Variants in UNC5C observed in about 807,000 individuals in gnomAD.
UNC5C encodes the protein unc-5 netrin receptor C.
In UNC5C, 47 loss-of-function variants were observed where a neutral mutation model predicts 99.8. The ratio of observed to expected loss-of-function variants is 0.47; its 90% confidence interval spans 0.37 to 0.60. The LOEUF (loss-of-function observed/expected upper bound fraction) is 0.60, where lower values mean the gene tolerates loss of function less well. Ranked by LOEUF, UNC5C falls within the 20% of genes least tolerant of loss-of-function variation. The pLI is 0.00. For missense variants in UNC5C, 1,062 were observed against 1,165.9 expected (o/e 0.91, Z 1.30); for synonymous variants, 487 against 452.2 (o/e 1.08, Z -0.98).
At chr4:95,350,137 A>C (rs535434752) in intron 1 of UNC5C, among the ~76,000 whole-genome samples, 13 of 152,136 alleles carry the variant, frequency 8.5e-5, no homozygotes, top group African/African-American at 1.4e-4. Flanking sequence ...TAACGTGCTT[A>C]ATTTTAGGAT....
At position 95,481,541 on chromosome 4, in the gene UNC5C, C is replaced by T. The variant is rs985191792; in HGVS notation, c.124+67193G>A. Among the ~76,000 whole-genome samples the T allele has an allele frequency of 8.6e-5, 13 of 151,980 alleles. No homozygotes were observed. The East Asian group carries it at 1.2e-3, about 14-fold the overall frequency. On this transcript the variant is annotated intron_variant, in intron 1 of 15. Transcript: ENST00000453304. ...GTTCATATGGAACCAAAAAAGAGCCCACATCGCCAAGTCAATCCTAAGCCA... is the reference window on the plus strand; with the variant it reads ...GTTCATATGGAACCAAAAAAGAGCCTACATCGCCAAGTCAATCCTAAGCCA...
At chr4:95,300,644 T>C (rs998935199) in intron 3 of UNC5C, among the ~76,000 whole-genome samples, 1 of 152,242 alleles carries the variant, frequency 6.6e-6, no homozygotes, top group African/African-American at 2.4e-5. Context: ...TAATTCCTAC[T>C]AGATTTTTTA....
At chr4:95,251,275 T>C (rs1739715371) in intron 4 of UNC5C, among the ~76,000 whole-genome samples, 5 of 152,174 alleles carry the variant, frequency 3.3e-5, no homozygotes, top group Admixed American at 3.3e-4. Context: ...TGGAGATGTA[T>C]CTAAGCCAAA....
chr4:95,237,896 G>T (rs1053697003), intron 7 of UNC5C, among the ~76,000 whole-genome samples: 2 of 152,072 alleles, frequency 1.3e-5, no homozygotes, highest in Non-Finnish European at 2.9e-5. Context: ...ACAAAAATTA[G>T]CTGGGTGTGG....
chr4:95,338,597 A>T lies in UNC5C; in HGVS notation c.125-2966T>A, dbSNP rs545659598. Among the ~76,000 whole-genome samples, 30 of 152,202 alleles carry T rather than the reference A, an allele frequency of 2.0e-4. No homozygotes were observed. The South Asian group carries it at 6.2e-3, about 32-fold the overall frequency. ...ATAAGACTATTACCAATTTTCAAAA[A>T]ACTTGAAATATACAATAAATGCTTA... On this transcript the variant is annotated intron_variant, in intron 1 of 15. Transcript: ENST00000453304.
intron 1 of UNC5C, among the ~76,000 whole-genome samples, chr4:95,538,699 A>T (rs555959308): frequency 3.6e-4 from 55 of 152,270 alleles, no homozygotes; most frequent in Middle Eastern, 3.4e-3. Context: ...TAGTTCAAAA[A>T]TGCCAAGTGA....
Position 95,220,096 on chromosome 4 carries a change from C to G in UNC5C, c.1189G>C (p.Val397Leu). The change falls in exon 8 of 16, where the codon GTG (valine) becomes CTG (leucine). Residue 397 changes from valine to leucine, a missense_variant. This residue lies in a region of UNC5C where 810 missense variants were observed against 854.5 expected (regional missense o/e 0.95). Transcript: ENST00000453304. Reference sequence around the variant, plus strand: ...TTCTTCCGATACACAAACAAGGCCACAACTACAGAGATCGCCAGGCAAACG... The same window carrying G: ...TTCTTCCGATACACAAACAAGGCCAGAACTACAGAGATCGCCAGGCAAACG... ...VIVCLAISVVVALFVYRKNHR... is the reference protein window; with the variant it reads ...VIVCLAISVVLALFVYRKNHR... 1 of 1,614,144 alleles carries G rather than the reference C, an allele frequency of 6.2e-7. No homozygotes were observed. The highest frequency in any genetic ancestry group is 8.5e-7 in the Non-Finnish European group (1 of 1,180,008).
intron 2 of UNC5C, among the ~76,000 whole-genome samples, chr4:95,312,243 C>T (rs1742303603): frequency 6.6e-6 from 1 of 152,098 alleles, no homozygotes; most frequent in Non-Finnish European, 1.5e-5. Flanking sequence ...GCTTATGAAT[C>T]CTCCCTTCAG....
intron 1 of UNC5C, among the ~76,000 whole-genome samples, chr4:95,517,150 A>G (rs1722239187): frequency 6.6e-6 from 1 of 152,210 alleles, no homozygotes; most frequent in Non-Finnish European, 1.5e-5. Flanking sequence ...AGATACAAAC[A>G]ACGATTAATG....
At chr4:95,434,891 C>A (rs896061210) in intron 1 of UNC5C, among the ~76,000 whole-genome samples, 11 of 152,034 alleles carry the variant, frequency 7.2e-5, no homozygotes, top group African/African-American at 2.7e-4. Context: ...TTTGTCAAAG[C>A]CCATTCCCTA....
intron 15 of UNC5C, 67 bp from the exon 16 acceptor site, chr4:95,169,466 C>T (rs1382087818): frequency 6.5e-7 from 1 of 1,548,966 alleles, no homozygotes; most frequent in Non-Finnish European, 8.8e-7. Context: ...CTCAGCTAAA[C>T]CTTTCTGTCT....
chr4:95,546,251 T>A (rs775964135), intron 1 of UNC5C, among the ~76,000 whole-genome samples: 9 of 152,182 alleles, frequency 5.9e-5, no homozygotes, highest in Non-Finnish European at 1.2e-4. Context: ...TGGGCTAGTG[T>A]TCTAGTCCAA....
intron 2 of UNC5C, among the ~76,000 whole-genome samples, chr4:95,316,609 G>A (rs1196738430): frequency 6.6e-6 from 1 of 152,014 alleles, no homozygotes; most frequent in Non-Finnish European, 1.5e-5. Context: ...TAATGCACAG[G>A]GAAATACCTA....
intron 6 of UNC5C, among the ~76,000 whole-genome samples, chr4:95,243,832 C>T (rs1204299907): frequency 6.6e-6 from 1 of 152,186 alleles, no homozygotes; most frequent in Admixed American, 6.5e-5. Context: ...TACCAAAACA[C>T]TGACACACAC....
At chr4:95,205,126 G>A (rs1360630946) in intron 11 of UNC5C, among the ~76,000 whole-genome samples, 2 of 152,084 alleles carry the variant, frequency 1.3e-5, no homozygotes, top group East Asian at 1.9e-4. Context: ...CGATGCCCAC[G>A]TCCCAGTCAC....
chr4:95,338,119 T>G (rs1035133565), intron 1 of UNC5C, among the ~76,000 whole-genome samples: 4 of 152,020 alleles, frequency 2.6e-5, no homozygotes, highest in Non-Finnish European at 1.5e-5. Flanking sequence ...TGATTATCAG[T>G]GGGCTCACCC....
At chr4:95,265,618 T>G (rs1248706271) in intron 4 of UNC5C, among the ~76,000 whole-genome samples, 1 of 152,238 alleles carries the variant, frequency 6.6e-6, no homozygotes, top group African/African-American at 2.4e-5. Flanking sequence ...CATATTTGCC[T>G]GGGGTTTATC....
intron 4 of UNC5C, among the ~76,000 whole-genome samples, chr4:95,262,006 T>G (rs6836855): frequency 6.6e-6 from 1 of 152,154 alleles, no homozygotes; most frequent in Non-Finnish European, 1.5e-5. Context: ...CCAGTCTGCA[T>G]TCCTTCTTAT....
chr4:95,514,633 T>C (rs1265060561), intron 1 of UNC5C, among the ~76,000 whole-genome samples: 1 of 148,500 alleles, frequency 6.7e-6, no homozygotes, highest in Non-Finnish European at 1.5e-5. Context: ...TAAATATATT[T>C]ATTTATTTAT....
Sources: gnomAD v4.1 joint callset for allele counts (sites outside exome capture counted in the v4.1 genomes callset) on GRCh38, gnomAD v4.1.1 for gene constraint, gnomAD v4.1.1 regional missense constraint, MANE v1.5 for transcripts, NCBI Gene and HGNC (gene_info 2026-07-23, HGNC 2026-07-21) for gene names.